The following ENTPD1 variants were observed in gnomAD, a reference collection of about 807,000 sequenced individuals.
The protein encoded by ENTPD1 is ATP diphosphohydrolase.
A neutral mutation model predicts 57.0 loss-of-function variants in ENTPD1; 33 were observed. The observed-to-expected ratio is 0.58, with a 90% confidence interval of 0.44 to 0.77. ENTPD1 has a LOEUF of 0.77. ENTPD1 is among the 30% of genes least tolerant of loss of function. The pLI is 0.00. For missense variants in ENTPD1, 501 were observed against 603.4 expected, an observed-to-expected ratio of 0.83 and a Z score of 1.78; for synonymous variants, 202 against 218.8, an observed-to-expected ratio of 0.92 and a Z score of 0.68.
intron 7 of ENTPD1, among the ~76,000 whole-genome samples, chr10:95,858,184 GAGGA>G (rs1343070502): frequency 2.6e-5 from 4 of 151,910 alleles, no homozygotes; most frequent in Admixed American, 2.6e-4. Flanking sequence ...TAACTGCTGG[GAGGA>G]AAGAGACAGT....
rs1463643946 is a variant in ENTPD1 at position 95,875,022 on chromosome 10, A to T, written c.*8639A>T. The T allele has an allele frequency of 6.6e-6, 1 of 152,182 alleles. No homozygotes were observed. Among genetic ancestry groups the T allele is most frequent in the Non-Finnish European group, 1.5e-5 (1 of 68,060 alleles). 9.4% of individuals were successfully genotyped at this position (152,182 alleles called of 1,614,324 possible). On this transcript the variant is annotated 3_prime_UTR_variant, in exon 10 of 10. Coordinates refer to ENST00000371205, the MANE Select transcript of ENTPD1 (RefSeq NM_001776.6). ...CCTGGGCCTCTGGGCCTGTGATGGG[A>T]GGGGCTGCCATGAAGGTCTCTGACA... is the stretch of plus-strand genomic sequence containing the variant.
intron 1 of ENTPD1, among the ~76,000 whole-genome samples, chr10:95,783,827 TAAC>T (rs1476800229): frequency 1.3e-5 from 2 of 152,078 alleles, no homozygotes; most frequent in African/African-American, 4.8e-5. Context: ...GCAAAAAGAA[TAAC>T]AAGTATTTAT....
chr10:95,863,589 C>T (rs1378528664), intron 8 of ENTPD1, among the ~76,000 whole-genome samples: 1 of 152,096 alleles, frequency 6.6e-6, no homozygotes, highest in Non-Finnish European at 1.5e-5. Flanking sequence ...TTCATCAGAG[C>T]AAGACAAGGC....
chr10:95,850,201 A>C (rs755570868), intron 7 of ENTPD1, among the ~76,000 whole-genome samples: 7 of 152,104 alleles, frequency 4.6e-5, no homozygotes, highest in Non-Finnish European at 8.8e-5. Flanking sequence ...AGCCTTCTGA[A>C]CCTCAGTTTG....
intron 1 of ENTPD1, among the ~76,000 whole-genome samples, chr10:95,732,594 C>G (rs2097990390): frequency 6.6e-6 from 1 of 152,138 alleles, no homozygotes; most frequent in Admixed American, 6.5e-5. Context: ...AAGTAATAAA[C>G]AGACTCTTCC....
chr10:95,814,132 A>T (rs1468803840), intron 1 of ENTPD1, among the ~76,000 whole-genome samples: 1 of 152,220 alleles, frequency 6.6e-6, no homozygotes, highest in Non-Finnish European at 1.5e-5. Flanking sequence ...GACACAGGGA[A>T]TTCCTGTCTG....
At chr10:95,704,874 G>GTA in the ENTPD1 span, among the ~76,000 whole-genome samples, 2 of 148,354 alleles carry the variant, frequency 1.3e-5, no homozygotes, top group Non-Finnish European at 3.0e-5. Context: ...ATATATATAT[G>GTA]TATATATATG....
intron 1 of ENTPD1, among the ~76,000 whole-genome samples, chr10:95,799,962 C>T (rs994210346): frequency 1.3e-5 from 2 of 152,092 alleles, no homozygotes; most frequent in African/African-American, 2.4e-5. Context: ...GTCCTTTGCC[C>T]ACTTTTTAAT....
At chr10:95,852,477 T>G (rs1256816014) in intron 7 of ENTPD1, among the ~76,000 whole-genome samples, 1 of 152,272 alleles carries the variant, frequency 6.6e-6, no homozygotes, top group East Asian at 1.9e-4. Context: ...GCCATTGCTT[T>G]TGGTGTATTA....
At chr10:95,752,689 C>G (rs2098014027), upstream of ENTPD1, among the ~76,000 whole-genome samples, 1 of 152,052 alleles carries the variant, frequency 6.6e-6, no homozygotes, top group Non-Finnish European at 1.5e-5. Flanking sequence ...CCATATTAAT[C>G]ATTTAAAATT....
At chr10:95,813,591 T>C (rs1351968689) in intron 1 of ENTPD1, among the ~76,000 whole-genome samples, 1 of 152,102 alleles carries the variant, frequency 6.6e-6, no homozygotes, top group Non-Finnish European at 1.5e-5. Context: ...CTACTCCTGG[T>C]TAGCAAGGGA....
intron 1 of ENTPD1, among the ~76,000 whole-genome samples, chr10:95,780,459 G>A (rs1303073419): frequency 6.6e-6 from 1 of 152,144 alleles, no homozygotes; most frequent in Admixed American, 6.5e-5. Flanking sequence ...ATGACCTCAA[G>A]GTCTATTAAA....
chr10:95,703,505 G>C, the ENTPD1 span, among the ~76,000 whole-genome samples: 5 of 152,146 alleles, frequency 3.3e-5, no homozygotes, highest in African/African-American at 1.2e-4. Context: ...CATATCACTG[G>C]GCGCGGTGGC....
At chr10:95,764,009 A>G (rs117031501) in intron 1 of ENTPD1, among the ~76,000 whole-genome samples, 5,676 of 152,314 alleles carry the variant, frequency 0.037, 129 homozygotes, top group Non-Finnish European at 0.049. Flanking sequence ...CACAATTCAC[A>G]TATCATACGA....
intron 2 of ENTPD1, among the ~76,000 whole-genome samples, chr10:95,828,709 ATTTTTTTT>A (rs5787162): frequency 7.6e-6 from 1 of 132,148 alleles, no homozygotes; most frequent in South Asian, 2.4e-4. Context: ...GGTTATCCCC[ATTTTTTTT>A]TTTTTTTTTT....
In ENTPD1 at chr10:95,866,972, T is replaced by C; in HGVS notation, c.*589T>C. The C allele has an allele frequency of 2.0e-6, 2 of 999,596 alleles. No individual in the cohort carries two copies. The highest frequency in any genetic ancestry group is 1.2e-6 in the Non-Finnish European group (1 of 837,574). 61.9% of individuals were successfully genotyped at this position (999,596 alleles called of 1,614,324 possible). On this transcript the variant is annotated 3_prime_UTR_variant, in exon 10 of 10. Coordinates refer to ENST00000371205, the MANE Select transcript of ENTPD1 (RefSeq NM_001776.6). ...GAAATATATGTGCTCATGCAGTCAA[T>C]ACAGTTCTCAATCCCACCCAAAGCA...
At chr10:95,832,154 C>G (rs2098398459) in intron 2 of ENTPD1, among the ~76,000 whole-genome samples, 1 of 152,166 alleles carries the variant, frequency 6.6e-6, no homozygotes, top group Admixed American at 6.5e-5. Context: ...CCGTTCCCTC[C>G]TTGTATGTGA....
intron 1 of ENTPD1, among the ~76,000 whole-genome samples, chr10:95,798,556 A>G (rs1025005272): frequency 6.6e-6 from 1 of 152,184 alleles, no homozygotes; most frequent in Non-Finnish European, 1.5e-5. Context: ...TATTGTCTTT[A>G]CCAGCTATCC....
intron 6 of ENTPD1, 158 bp from the exon 7 acceptor site, chr10:95,847,288 A>G (rs1315958159): frequency 3.7e-6 from 3 of 806,208 alleles, no homozygotes; most frequent in East Asian, 2.6e-5. Context: ...TCCATTTTTC[A>G]TATTTATTCC....
Sources: allele counts gnomAD v4.1 joint callset (sites outside exome capture counted in the v4.1 genomes callset), GRCh38; gene constraint gnomAD v4.1.1; transcripts MANE v1.5; gene names NCBI Gene and HGNC (gene_info 2026-07-23, HGNC 2026-07-21).